The following TRHDE variants were observed in gnomAD, a reference collection of about 807,000 sequenced individuals.
TRHDE encodes thyrotropin-releasing hormone-degrading ectoenzyme.
A neutral mutation model predicts 125.7 loss-of-function variants in TRHDE; 72 were observed. The ratio of observed to expected loss-of-function variants is 0.57; its 90% CI spans 0.47 to 0.70. TRHDE has a LOEUF of 0.70. TRHDE is among the 30% of genes least tolerant of loss of function. The probability of loss-of-function intolerance (pLI) is 0.00; values close to 1 mark genes in which losing one functional copy is unlikely to be tolerated. For synonymous variants in TRHDE, 509 were observed against 509.1 expected (o/e 1.00, Z 0.00); for missense variants, 1,110 against 1,327.1 (o/e 0.84, Z 2.54).
intron 2 of TRHDE, among the ~76,000 whole-genome samples, chr12:72,371,395 T>TTTA (rs201192095): frequency 0.013 from 1,976 of 151,314 alleles, 65 homozygotes; most frequent in African/African-American, 0.045. Context: ...TTTATTTATT[T>TTTA]TTATTATTAT....
At chr12:72,096,901 C>G (rs577353428) in intron 1 of TRHDE, among the ~76,000 whole-genome samples, 3 of 152,316 alleles carry the variant, frequency 2.0e-5, no homozygotes, top group South Asian at 2.1e-4. Context: ...AAAATACAGT[C>G]AATAACTTCT....
At chr12:72,224,166 GTATCTATCTATCTATC>G (rs368211232) in intron 2 of TRHDE, among the ~76,000 whole-genome samples, 1 of 62,898 alleles carries the variant, frequency 1.6e-5, no homozygotes, top group South Asian at 4.8e-4. Context: ...ATGTATGTAT[GTATCTATCTATCTATC>G]TATCTATCTA....
chr12:72,660,296 C>T (rs1874866403), intron 18 of TRHDE, among the ~76,000 whole-genome samples: 1 of 152,180 alleles, frequency 6.6e-6, no homozygotes, highest in Non-Finnish European at 1.5e-5. Context: ...GGAACATGAG[C>T]ATTGAAGCAC....
chr12:72,331,965 AG>A (rs1186666536), intron 2 of TRHDE, among the ~76,000 whole-genome samples: 2 of 152,182 alleles, frequency 1.3e-5, no homozygotes, highest in Non-Finnish European at 2.9e-5. Context: ...TAATTTATAA[AG>A]AAAATAAGTT....
chr12:72,307,622 A>C (rs2135695720), intron 2 of TRHDE, among the ~76,000 whole-genome samples: 1 of 152,182 alleles, frequency 6.6e-6, no homozygotes, highest in East Asian at 1.9e-4. Flanking sequence ...TTTTGAAGGG[A>C]GAACTTCTGG....
At chr12:72,239,505 T>A (rs1281680305) in intron 2 of TRHDE, among the ~76,000 whole-genome samples, 1 of 152,196 alleles carries the variant, frequency 6.6e-6, no homozygotes, top group Non-Finnish European at 1.5e-5. Context: ...TCTTCTAGGA[T>A]TCTTATGGTT....
intron 13 of TRHDE, 48 bp from the exon 14 acceptor site, chr12:72,621,060 A>C: frequency 1.1e-6 from 1 of 947,520 alleles, no homozygotes; most frequent in Non-Finnish European, 1.7e-6. Context: ...GTCAGCATAC[A>C]GAAGTTTTAA....
intron 2 of TRHDE, among the ~76,000 whole-genome samples, chr12:72,240,020 C>T (rs1013407899): frequency 6.6e-5 from 10 of 152,184 alleles, no homozygotes; most frequent in South Asian, 2.1e-4. Context: ...ACTACTTTTG[C>T]GTGTGTTCTG....
chr12:72,191,461 G>GTA (rs1367986945), intron 2 of TRHDE, among the ~76,000 whole-genome samples: 1 of 152,098 alleles, frequency 6.6e-6, no homozygotes, highest in Non-Finnish European at 1.5e-5. Flanking sequence ...GTTTCAGTTA[G>GTA]TAACTATGGA....
At chr12:72,342,964 C>T (rs954256600) in intron 2 of TRHDE, among the ~76,000 whole-genome samples, 1 of 152,086 alleles carries the variant, frequency 6.6e-6, no homozygotes, top group Non-Finnish European at 1.5e-5. Flanking sequence ...ATTCTAACGT[C>T]CTATGAGGTG....
chr12:72,395,443 C>T (rs961680361), intron 3 of TRHDE, among the ~76,000 whole-genome samples: 2 of 152,096 alleles, frequency 1.3e-5, no homozygotes, highest in African/African-American at 2.4e-5. Context: ...TCCTACTCTG[C>T]TTGCAGTCTC....
At chr12:72,458,585 G>A (rs1875981736) in intron 3 of TRHDE, among the ~76,000 whole-genome samples, 1 of 152,066 alleles carries the variant, frequency 6.6e-6, no homozygotes. Context: ...TCTCCCCAAT[G>A]CATCAGACTT....
chr12:72,237,671 C>T (rs978511998), intron 2 of TRHDE, among the ~76,000 whole-genome samples: 1 of 152,148 alleles, frequency 6.6e-6, no homozygotes, highest in African/African-American at 2.4e-5. Context: ...AAAGAAGGTG[C>T]CTGCTTCCTC....
intron 7 of TRHDE, among the ~76,000 whole-genome samples, chr12:72,552,443 G>A (rs1021556890): frequency 8.5e-5 from 13 of 152,152 alleles, no homozygotes; most frequent in Admixed American, 7.2e-4. Context: ...TTTCTGGGAT[G>A]AGGACCTGGA....
rs1329590250 is a variant in TRHDE at position 72,286,722 on chromosome 12, A to G, written c.956A>G (p.Lys319Arg). 1.2e-6 allele frequency: 2 copies of G among 1,613,986 alleles called. No individual in the cohort carries two copies. The highest frequency in any genetic ancestry group is 8.5e-7 in the Non-Finnish European group (1 of 1,179,994). Residue 319 changes from lysine to arginine, a missense_variant, in exon 2 of 19, where the codon AAG becomes AGG. Coordinates refer to ENST00000261180, the MANE Select transcript of TRHDE (RefSeq NM_013381.3). ...VTQFSPTHAR[K>R]AFPCFDEPIY... ...CAGTTTTCGCCTACACATGCCAGAAAGGCATTTCCTTGTTTTGATGAGCCA... is the reference window on the plus strand; with the variant it reads ...CAGTTTTCGCCTACACATGCCAGAAGGGCATTTCCTTGTTTTGATGAGCCA...
At chr12:72,313,583 G>A (rs1868650384) in intron 2 of TRHDE, among the ~76,000 whole-genome samples, 1 of 151,960 alleles carries the variant, frequency 6.6e-6, no homozygotes, top group African/African-American at 2.4e-5. Context: ...TTTTATCATG[G>A]AAAAAATGTT....
intron 2 of TRHDE, among the ~76,000 whole-genome samples, chr12:72,287,622 AT>A (rs1195899984): frequency 1.3e-5 from 2 of 151,794 alleles, no homozygotes; most frequent in Admixed American, 1.3e-4. Context: ...TACATACCCT[AT>A]TTTAAAATTT....
chr12:72,638,811 T>G (rs1873891967), intron 15 of TRHDE, among the ~76,000 whole-genome samples: 1 of 152,190 alleles, frequency 6.6e-6, no homozygotes, highest in African/African-American at 2.4e-5. Context: ...ATTCTTTTCT[T>G]TAAGAATGTT....
chr12:72,121,565 C>T (rs1233373503), intron 2 of TRHDE, among the ~76,000 whole-genome samples: 1 of 152,198 alleles, frequency 6.6e-6, no homozygotes, highest in African/African-American at 2.4e-5. Flanking sequence ...GAGATGCTCA[C>T]TCCATGCCAT....
Sources: allele counts gnomAD v4.1 joint callset (sites outside exome capture counted in the v4.1 genomes callset), GRCh38; gene constraint gnomAD v4.1.1; transcripts MANE v1.5; gene names NCBI Gene and HGNC (gene_info 2026-07-23, HGNC 2026-07-21).